The following ATXN10 variants were observed in gnomAD, a reference collection of about 807,000 sequenced individuals.
ATXN10 encodes ataxin 10, also known as ataxin-10.
Under a neutral mutation model 52.9 loss-of-function variants are expected in ATXN10, and 28 were observed. The ratio of observed to expected loss-of-function variants is 0.53; its 90% CI spans 0.39 to 0.73. The LOEUF (loss-of-function observed/expected upper bound fraction) is 0.73, where lower values mean the gene tolerates loss of function less well. Ranked by LOEUF, ATXN10 falls within the 30% of genes least tolerant of loss-of-function variation. The pLI, the probability that ATXN10 is intolerant of heterozygous loss-of-function variation, is 0.00. For missense variants in ATXN10, 565 were observed against 577.0 expected (o/e 0.98, Z 0.21); for synonymous variants, 226 against 221.5 (o/e 1.02, Z -0.18).
rs1036856645 is a variant in ATXN10 at position 45,781,367 on chromosome 22, C to T, written c.1174-25592C>T. The stretch of plus-strand genomic sequence containing the variant: ...GGGAGCATGAACAACCAGCTCTGCC[C>T]AGCAGTAGTGAGGCACCCCTCTCTC... On this transcript the variant is annotated intron_variant, in intron 9 of 11. Transcript: ENST00000252934. The surrounding 1 kb of genome is among the most constrained non-coding windows in gnomAD (Gnocchi z 4.2). 6.6e-6 allele frequency among the ~76,000 whole-genome samples: 1 copy of T among 152,004 alleles called. No homozygotes were observed. The highest frequency in any genetic ancestry group is 6.5e-5 in the Admixed American group (1 of 15,270).
chr22:45,722,416 A>G (rs1411887880), intron 6 of ATXN10, among the ~76,000 whole-genome samples: 1 of 152,234 alleles, frequency 6.6e-6, no homozygotes, highest in Non-Finnish European at 1.5e-5. Flanking sequence ...AAGTAGGATC[A>G]TTTAATGAAG....
intron 9 of ATXN10, among the ~76,000 whole-genome samples, chr22:45,747,125 C>G (rs372918209): frequency 1.3e-5 from 2 of 152,172 alleles, no homozygotes; most frequent in African/African-American, 4.8e-5. Context: ...TTAATTCACT[C>G]TCTTTCCCAG....
In ATXN10 at chr22:45,784,966, A is replaced by G. The variant is rs1049758752; in HGVS notation, c.1174-21993A>G. ...GTTTGTTCAGGCACTGAAGTATGAC[A>G]TTGTAGATGATGCATTATGGGTGGG... is the stretch of plus-strand genomic sequence containing the variant. On this transcript the variant is annotated intron_variant, in intron 9 of 11. Transcript: ENST00000252934. This position sits in a 1 kb window ranked among gnomAD's most constrained non-coding sequence, Gnocchi z 4.2. Among the ~76,000 whole-genome samples, 3 of 152,192 alleles carry G rather than the reference A, an allele frequency of 2.0e-5. No individual in the cohort carries two copies. The highest frequency in any genetic ancestry group is 2.9e-5 in the Non-Finnish European group (2 of 68,032).
rs1924973332 is a variant in ATXN10, at chr22:45,728,769, AT to A, written c.729-655del. Among the ~76,000 whole-genome samples, 1 of 152,204 alleles carries A rather than the reference AT, an allele frequency of 6.6e-6. No individual in the cohort carries two copies. The highest frequency in any genetic ancestry group is 1.5e-5 in the Non-Finnish European group (1 of 68,028). On this transcript the variant is annotated intron_variant, in intron 6 of 11. Coordinates refer to ENST00000252934, the MANE Select transcript of ATXN10 (RefSeq NM_013236.4). The surrounding 1 kb of genome is among the most constrained non-coding windows in gnomAD (Gnocchi z 4.3). ...AAAAGAAATATTTATTTGGTAACTT[AT>A]ATATTGATGTAAAAATGGCACAGTC...
At chr22:45,729,648 C>T (rs1925010563) in intron 7 of ATXN10, 58 bp downstream of exon 7, 8 of 1,560,458 alleles carry the variant, frequency 5.1e-6, no homozygotes, top group Non-Finnish European at 7.1e-6. Context: ...TTTTCTAACT[C>T]AGCCAAGTCC....
At chr22:45,802,817 CT>C (rs914936899) in intron 9 of ATXN10, among the ~76,000 whole-genome samples, 5 of 151,350 alleles carry the variant, frequency 3.3e-5, no homozygotes, top group African/African-American at 1.2e-4. Flanking sequence ...AAGAGTTCTA[CT>C]TTTTTTTTGT....
chr22:45,836,601 A>G (rs550595113), intron 10 of ATXN10, among the ~76,000 whole-genome samples: 2 of 152,290 alleles, frequency 1.3e-5, no homozygotes, highest in South Asian at 2.1e-4. Flanking sequence ...GCCAAGGTCA[A>G]TGAGGACTCC....
In ATXN10 at chr22:45,780,648, T is replaced by C. The variant is rs1347522946; in HGVS notation, c.1174-26311T>C. On this transcript the variant is annotated intron_variant, in intron 9 of 11. Coordinates refer to ENST00000252934, the MANE Select transcript of ATXN10 (RefSeq NM_013236.4). This position sits in a 1 kb window ranked among gnomAD's most constrained non-coding sequence, Gnocchi z 4.0. ...GTGAACAGTGCTGGCCAATGCTTAG[T>C]ACATATTAACTGCCTTTATTTTTGT... 6.6e-6 allele frequency among the ~76,000 whole-genome samples: 1 copy of C among 152,230 alleles called. No homozygotes were observed. Among genetic ancestry groups the C allele is most frequent in the East Asian group, 1.9e-4 (1 of 5,198 alleles).
rs1375290601 is a variant in ATXN10, at chr22:45,727,458, A to T, written c.729-1967A>T. On this transcript the variant is annotated intron_variant, in intron 6 of 11. Transcript: ENST00000252934. The surrounding 1 kb of genome is among the most constrained non-coding windows in gnomAD (Gnocchi z 4.6). ...ACTGTAACCTCTGCCTCCTGGGTTC[A>T]AGTGATTCTTCCGCCTCAGCCTCCT... Among the ~76,000 whole-genome samples the T allele has an allele frequency of 6.6e-6, 1 of 152,050 alleles. No individual in the cohort carries two copies. Among genetic ancestry groups the T allele is most frequent in the Non-Finnish European group, 1.5e-5 (1 of 67,998 alleles).
rs1235480768 is a variant in ATXN10, at chr22:45,681,295, A to G, written c.117-8417A>G. 6.6e-6 allele frequency among the ~76,000 whole-genome samples: 1 copy of G among 151,610 alleles called. No individual in the cohort carries two copies. The highest frequency in any genetic ancestry group is 2.4e-5 in the African/African-American group (1 of 41,244). ...TTGACCTCCATCCCATCTCAGACAC[A>G]CATTGCCATACCTTACTTAGACTTT... On this transcript the variant is annotated intron_variant, in intron 1 of 11. Coordinates refer to ENST00000252934, the MANE Select transcript of ATXN10 (RefSeq NM_013236.4). The surrounding 1 kb of genome is among the most constrained non-coding windows in gnomAD (Gnocchi z 4.2).
rs1349998318 is a variant in ATXN10 at position 45,780,830 on chromosome 22, C to G, written c.1174-26129C>G. 2.6e-5 allele frequency among the ~76,000 whole-genome samples: 4 copies of G among 152,276 alleles called. No homozygotes were observed. Among genetic ancestry groups the G allele is most frequent in the Non-Finnish European group, 5.9e-5 (4 of 68,022 alleles). On this transcript the variant is annotated intron_variant, in intron 9 of 11. Coordinates refer to ENST00000252934, the MANE Select transcript of ATXN10 (RefSeq NM_013236.4). The surrounding 1 kb of genome is among the most constrained non-coding windows in gnomAD (Gnocchi z 4.0). ...GTGGTGCAGATGCACTTCCCGGTATCTCTCCAGCTAAATACATCCAGAACC... is the reference window on the plus strand; with the variant it reads ...GTGGTGCAGATGCACTTCCCGGTATGTCTCCAGCTAAATACATCCAGAACC...
intron 9 of ATXN10, among the ~76,000 whole-genome samples, chr22:45,778,632 C>G (rs1927042933): frequency 6.6e-6 from 1 of 152,096 alleles, no homozygotes; most frequent in South Asian, 2.1e-4. Context: ...ATATCTGGTA[C>G]AATTAGCCTA....
rs1055851334 is a variant in ATXN10, at chr22:45,786,260, TC to T, written c.1174-20698del. On this transcript the variant is annotated intron_variant, in intron 9 of 11. Transcript: ENST00000252934. The surrounding 1 kb of genome is among the most constrained non-coding windows in gnomAD (Gnocchi z 4.1). Reference sequence around the variant, plus strand: ...CTGCCATTACTATTCTTGAAAAGCATCTTTATTTTGTCACAAAAGCTTGGAG... The same window carrying T: ...CTGCCATTACTATTCTTGAAAAGCATTTTATTTTGTCACAAAAGCTTGGAG... 3.3e-5 allele frequency among the ~76,000 whole-genome samples: 5 copies of T among 152,360 alleles called. No homozygotes were observed. Among genetic ancestry groups the T allele is most frequent in the Admixed American group, 2.0e-4 (3 of 15,314 alleles).
chr22:45,739,070 A>ACT lies in ATXN10; in HGVS notation c.1003+231_1003+232insCT, dbSNP rs142054271. 3.8e-4 allele frequency among the ~76,000 whole-genome samples: 58 copies of ACT among 152,320 alleles called. No individual in the cohort carries two copies. In the East Asian group the frequency reaches 0.01, roughly 27 times the overall value. ...TGTTAACTGAAGATTCCTTCTCAGT[A>ACT]ATGTGAGGATAACAATGCCTGTTAT... On this transcript the variant is annotated intron_variant, in intron 8 of 11. Coordinates refer to ENST00000252934, the MANE Select transcript of ATXN10 (RefSeq NM_013236.4).
In ATXN10 at chr22:45,843,195, G is replaced by T; in HGVS notation, c.1425+17G>T. 2.5e-6 allele frequency: 4 copies of T among 1,613,382 alleles called. No individual in the cohort carries two copies. The highest frequency in any genetic ancestry group is 3.4e-6 in the Non-Finnish European group (4 of 1,179,476). On this transcript the variant is annotated intron_variant, in intron 11 of 11. Transcript: ENST00000252934. The surrounding 1 kb of genome is among the most constrained non-coding windows in gnomAD (Gnocchi z 4.5). ...CCTAAGCCAGTAAGTACCCTCGAGG[G>T]AACTGTCCTTCCCTTTGGTTTGTAG...
intron 9 of ATXN10, among the ~76,000 whole-genome samples, chr22:45,804,314 C>T (rs932827499): frequency 6.6e-6 from 1 of 152,218 alleles, no homozygotes; most frequent in Admixed American, 6.5e-5. Context: ...TAAACGAAGT[C>T]ATTAAAGCAT....
intron 9 of ATXN10, among the ~76,000 whole-genome samples, chr22:45,779,286 A>C (rs1927065014): frequency 6.6e-6 from 1 of 152,182 alleles, no homozygotes; most frequent in Non-Finnish European, 1.5e-5. Context: ...TAATGAGGAT[A>C]ATTTTCTTTC....
intron 9 of ATXN10, among the ~76,000 whole-genome samples, chr22:45,767,850 C>T (rs1926641782): frequency 6.6e-6 from 1 of 152,198 alleles, no homozygotes; most frequent in African/African-American, 2.4e-5. Context: ...AAATTATAAA[C>T]TGCATTCTGT....
rs1340574209 is a variant in ATXN10, at chr22:45,823,170, G to A, written c.1237+16148G>A. The stretch of plus-strand genomic sequence containing the variant: ...ATACAGAACATGCCCATCTCCCTAG[G>A]CGGCTTCTTGAGTGTCCCGTCTCCC... On this transcript the variant is annotated intron_variant, in intron 10 of 11. Transcript: ENST00000252934. The surrounding 1 kb of genome is among the most constrained non-coding windows in gnomAD (Gnocchi z 4.9). 11 of 471,620 alleles carry A rather than the reference G, an allele frequency of 2.3e-5. No individual in the cohort carries two copies. Among genetic ancestry groups the A allele is most frequent in the Non-Finnish European group, 4.4e-5 (10 of 227,196 alleles). The allele number at this position is 471,620 out of a possible 1,614,324, so 29.2% of individuals were successfully genotyped here.
Sources: gnomAD v4.1 joint callset for allele counts (sites outside exome capture counted in the v4.1 genomes callset) on GRCh38, gnomAD v4.1.1 for gene constraint, Gnocchi (gnomAD v3.1) non-coding constraint, MANE v1.5 for transcripts, NCBI Gene and HGNC (gene_info 2026-07-23, HGNC 2026-07-21) for gene names.